Variants in STXBP5L observed in about 807,000 individuals in gnomAD.
STXBP5L encodes syntaxin-binding protein 5-like.
A neutral mutation model predicts 144.5 loss-of-function variants in STXBP5L; 65 were observed. The ratio of observed to expected loss-of-function variants is 0.45; its 90% CI spans 0.37 to 0.55. The LOEUF (loss-of-function observed/expected upper bound fraction) is 0.55, where lower values mean the gene tolerates loss of function less well. Among genes scored for constraint, STXBP5L ranks in the 20% least tolerant of loss-of-function variants. The pLI, the probability that STXBP5L is intolerant of heterozygous loss-of-function variation, is 0.00. For synonymous variants in STXBP5L, 505 were observed against 469.6 expected, an observed-to-expected ratio of 1.08 and a Z score of -0.97; for missense variants, 1,298 against 1,405.5, an observed-to-expected ratio of 0.92 and a Z score of 1.22.
At chr3:121,365,869 A>T (rs748773457) in intron 20 of STXBP5L, among the ~76,000 whole-genome samples, 91 of 146,974 alleles carry the variant, frequency 6.2e-4, no homozygotes, top group Middle Eastern at 7.1e-3. Context: ...TTGCCTTGAG[A>T]TTTTTCTTAT....
intron 7 of STXBP5L, among the ~76,000 whole-genome samples, chr3:121,137,905 A>T (rs1278513558): frequency 1.3e-5 from 2 of 152,142 alleles, no homozygotes; most frequent in African/African-American, 2.4e-5. Flanking sequence ...GTCCTATACA[A>T]CATAATACTG....
chr3:121,085,997 G>T (rs1366987187), intron 5 of STXBP5L, among the ~76,000 whole-genome samples: 1 of 151,980 alleles, frequency 6.6e-6, no homozygotes, highest in Non-Finnish European at 1.5e-5. Flanking sequence ...ACAGAATAAA[G>T]ATCTCAGAAA....
At chr3:121,102,162 A>G (rs573221074) in intron 5 of STXBP5L, among the ~76,000 whole-genome samples, 87 of 150,522 alleles carry the variant, frequency 5.8e-4, no homozygotes, top group African/African-American at 2.0e-3. Flanking sequence ...ATTCAATGCT[A>G]TACTTATCAA....
chr3:120,952,492 A>G (rs900014678), intron 2 of STXBP5L, among the ~76,000 whole-genome samples: 1 of 152,002 alleles, frequency 6.6e-6, no homozygotes, highest in African/African-American at 2.4e-5. Flanking sequence ...GTATGCAGGA[A>G]TACAATTGAC....
intron 21 of STXBP5L, 33 bp downstream of exon 21, chr3:121,378,919 G>A (rs2046259177): frequency 1.3e-6 from 2 of 1,591,066 alleles, no homozygotes; most frequent in Non-Finnish European, 8.6e-7. Flanking sequence ...TTTTGTTACA[G>A]TTAAAATTTG....
In STXBP5L at chr3:121,140,125, A is replaced by C. The variant is rs1003243070; in HGVS notation, c.670-12352A>C. 3.4e-5 allele frequency among the ~76,000 whole-genome samples: 5 copies of C among 145,842 alleles called. No homozygotes were observed. In the East Asian group the frequency reaches 7.7e-4, roughly 23 times the overall value. ...GACAAGAGACATTTTTCAAAAGAAGACATATTATAAATGGCCAACAAGTAT... is the reference window on the plus strand; with the variant it reads ...GACAAGAGACATTTTTCAAAAGAAGCCATATTATAAATGGCCAACAAGTAT... On this transcript the variant is annotated intron_variant, in intron 7 of 26. Coordinates refer to ENST00000471454, the MANE Select transcript of STXBP5L (RefSeq NM_001308330.2).
chr3:121,036,983 G>A (rs1230269408), intron 3 of STXBP5L, among the ~76,000 whole-genome samples: 2 of 151,838 alleles, frequency 1.3e-5, no homozygotes, highest in Non-Finnish European at 2.9e-5. Context: ...CTTGAGTTCA[G>A]TGGCATGGTC....
At chr3:121,046,223 G>T (rs1225122903) in intron 5 of STXBP5L, among the ~76,000 whole-genome samples, 1 of 152,108 alleles carries the variant, frequency 6.6e-6, no homozygotes, top group Non-Finnish European at 1.5e-5. Context: ...CTGCTTGAGT[G>T]TGGTTGATTA....
intron 5 of STXBP5L, among the ~76,000 whole-genome samples, chr3:121,096,174 A>C (rs1371443946): frequency 6.6e-6 from 1 of 151,940 alleles, no homozygotes; most frequent in Non-Finnish European, 1.5e-5. Flanking sequence ...TGCAGAAATC[A>C]CCCATCTTCT....
intron 22 of STXBP5L, among the ~76,000 whole-genome samples, chr3:121,390,080 T>A (rs1204438982): frequency 2.0e-5 from 3 of 152,202 alleles, no homozygotes; most frequent in Non-Finnish European, 1.5e-5. Context: ...CCATATTGGG[T>A]TCATATATAT....
intron 2 of STXBP5L, among the ~76,000 whole-genome samples, chr3:120,918,367 C>T (rs1422690279): frequency 6.6e-6 from 1 of 152,138 alleles, no homozygotes; most frequent in Non-Finnish European, 1.5e-5. Context: ...ATGTTCATCA[C>T]CTCACCTGTT....
chr3:120,986,207 A>G (rs1432598709), intron 3 of STXBP5L, among the ~76,000 whole-genome samples: 1 of 151,834 alleles, frequency 6.6e-6, no homozygotes, highest in Non-Finnish European at 1.5e-5. Flanking sequence ...TTGCAGTTTT[A>G]CATCTGTTGA....
chr3:121,014,471 C>T (rs1405153379), intron 3 of STXBP5L, among the ~76,000 whole-genome samples: 4 of 151,836 alleles, frequency 2.6e-5, no homozygotes, highest in Non-Finnish European at 4.4e-5. Flanking sequence ...TCTTGTAGTT[C>T]AAGACTTATT....
chr3:120,917,633 C>T (rs1383001740), intron 2 of STXBP5L, among the ~76,000 whole-genome samples: 1 of 151,998 alleles, frequency 6.6e-6, no homozygotes, highest in African/African-American at 2.4e-5. Flanking sequence ...GTTCGAGGCT[C>T]TAATGCACTG....
chr3:121,037,941 AT>A (rs1394828709), intron 3 of STXBP5L, among the ~76,000 whole-genome samples: 1 of 151,940 alleles, frequency 6.6e-6, no homozygotes, highest in Non-Finnish European at 1.5e-5. Context: ...TATTGGCATA[AT>A]TTTTTAAATA....
chr3:121,006,183 G>A (rs914282778), intron 3 of STXBP5L, among the ~76,000 whole-genome samples: 9 of 152,164 alleles, frequency 5.9e-5, no homozygotes, highest in Admixed American at 2.0e-4. Context: ...TTGTGTGGGA[G>A]TCTAAGTCTC....
chr3:121,129,147 T>C (rs1253056112), intron 7 of STXBP5L, among the ~76,000 whole-genome samples: 1 of 152,074 alleles, frequency 6.6e-6, no homozygotes, highest in Non-Finnish European at 1.5e-5. Flanking sequence ...CTAGTGGGTA[T>C]GCAGACATAC....
intron 19 of STXBP5L, among the ~76,000 whole-genome samples, chr3:121,317,069 G>A (rs762711789): frequency 2.6e-5 from 4 of 152,084 alleles, no homozygotes; most frequent in East Asian, 1.9e-4. Context: ...GGTTAAGACC[G>A]TGTTCGACAT....
intron 6 of STXBP5L, among the ~76,000 whole-genome samples, chr3:121,117,124 A>T (rs2044264879): frequency 6.6e-6 from 1 of 151,866 alleles, no homozygotes; most frequent in African/African-American, 2.4e-5. Context: ...TAGTCTATAC[A>T]ATTTCAAGAC....
Sources: gnomAD v4.1 joint callset for allele counts (sites outside exome capture counted in the v4.1 genomes callset) on GRCh38, gnomAD v4.1.1 for gene constraint, MANE v1.5 for transcripts, NCBI Gene and HGNC (gene_info 2026-07-23, HGNC 2026-07-21) for gene names.